THG1L: variants seen among roughly 807,000 people sequenced by gnomAD.
THG1L encodes tRNA-histidine guanylyltransferase 1 like.
A neutral mutation model predicts 35.2 loss-of-function variants in THG1L; 27 were observed. The ratio of observed to expected loss-of-function variants is 0.77; its 90% CI spans 0.57 to 1.06. The LOEUF is 1.06. Ranked by LOEUF, THG1L falls within the 50% of genes least tolerant of loss-of-function variation. The pLI is 0.00. For missense variants in THG1L, 377 were observed against 371.8 expected, an observed-to-expected ratio of 1.01 and a Z score of -0.12; for synonymous variants, 135 against 132.4, an observed-to-expected ratio of 1.02 and a Z score of -0.14.
rs770111751 is a variant in THG1L, at chr5:157,731,477, T to C, written c.37T>C (p.Leu13=). 5 of 1,610,226 alleles carry C rather than the reference T, an allele frequency of 3.1e-6. No individual in the cohort carries two copies. Among genetic ancestry groups the C allele is most frequent in the Non-Finnish European group, 1.7e-6 (2 of 1,178,124 alleles). Residue 13 remains leucine (L), a synonymous_variant, in exon 1 of 6, where the codon TTG becomes CTG. Coordinates refer to ENST00000231198, the MANE Select transcript of THG1L (RefSeq NM_017872.5). ...GACKVKVHDS[L]ATISITLRRY... is the part of the protein sequence containing the mutation. ...CTGTAAAGTTAAGGTTCACGATTCC[T>C]TGGCCACCATTTCCATCACTCTGAG...
rs1369018801 is a variant in THG1L, at chr5:157,741,396, T to C, written c.*1914T>C. ...CAGAAAGAGGAGATACGGTTCTTGTTTGGTAATTGCTAAAATCTCTTTGAG... is the reference window on the plus strand; with the variant it reads ...CAGAAAGAGGAGATACGGTTCTTGTCTGGTAATTGCTAAAATCTCTTTGAG... On this transcript the variant is annotated 3_prime_UTR_variant, in exon 6 of 6. Coordinates refer to ENST00000231198, the MANE Select transcript of THG1L (RefSeq NM_017872.5). 1 of 152,206 alleles carries C rather than the reference T, an allele frequency of 6.6e-6. No homozygotes were observed. The highest frequency in any genetic ancestry group is 6.5e-5 in the Admixed American group (1 of 15,278). The allele number at this position is 152,206 out of a possible 1,614,324, so 9.4% of individuals were successfully genotyped here.
chr5:157,732,995 T>G lies in THG1L; in HGVS notation c.319T>G (p.Tyr107Asp), dbSNP rs1205538947. The change falls in exon 2 of 6, where the codon TAC (tyrosine) becomes GAC (aspartate). Residue 107 changes from tyrosine to aspartate, a missense_variant. Tyr to Asp is a radical substitution (Grantham distance 160). Coordinates refer to ENST00000231198, the MANE Select transcript of THG1L (RefSeq NM_017872.5). Reference sequence around the variant, plus strand: ...GATCGCGTATGGACAGAGTGATGAGTACAGCTTTGTGTTCAAGCGGAAAAC... The same window carrying G: ...GATCGCGTATGGACAGAGTGATGAGGACAGCTTTGTGTTCAAGCGGAAAAC... ...IVIAYGQSDE[Y>D]SFVFKRKTNW... 1 of 1,614,084 alleles carries G rather than the reference T, an allele frequency of 6.2e-7. No homozygotes were observed. Among genetic ancestry groups the G allele is most frequent in the Non-Finnish European group, 8.5e-7 (1 of 1,180,030 alleles).
In THG1L at chr5:157,739,298, C is replaced by T. The variant is rs561697959; in HGVS notation, c.736-23C>T. The T allele has an allele frequency of 6.8e-6, 11 of 1,608,102 alleles. No homozygotes were observed. In the Admixed American group the frequency reaches 1.5e-4, roughly 22 times the overall value. On this transcript the variant is annotated intron_variant, in intron 5 of 5. Transcript: ENST00000231198. ...AAACCCACTCCTGACTTAACAATGT[C>T]ACTACTTTATTTTTACCTGTAGGTG... is the stretch of plus-strand genomic sequence containing the variant.
Position 157,734,668 on chromosome 5 carries a change from CAGG to C in THG1L, c.462_464del (p.Gly155del), listed in dbSNP as rs1191917646. The C allele has an allele frequency of 6.2e-7, 1 of 1,614,154 alleles. No homozygotes were observed. The highest frequency in any genetic ancestry group is 8.5e-7 in the Non-Finnish European group (1 of 1,180,034). On this transcript the variant is annotated inframe_deletion, in exon 3 of 6. Transcript: ENST00000231198. ...GAGGACCAGCCCCTTCTGTATCCCC[CAGG>C]CTTTGACGGAAGAGTCGTGGTGTAT...
intron 5 of THG1L, chr5:157,738,624 C>T (rs1465350503): frequency 4.7e-6 from 2 of 429,010 alleles, no homozygotes; most frequent in Non-Finnish European, 4.6e-6. Flanking sequence ...TTTTCAAGTA[C>T]CAAGGAGTAC....
rs2113031583 is a variant in THG1L at position 157,733,025 on chromosome 5, T to C, written c.349T>C (p.Trp117Arg). Residue 117 changes from tryptophan to arginine, a missense_variant, in exon 2 of 6, where the codon TGG becomes CGG. Transcript: ENST00000231198. ...CTTTGTGTTCAAGCGGAAAACCAAT[T>C]GGTTTAAAAGAAGAGCCAGGTAATT... ...YSFVFKRKTN[W>R]FKRRASKFMT... 6.2e-7 allele frequency: 1 copy of C among 1,614,076 alleles called. No individual in the cohort carries two copies. Among genetic ancestry groups the C allele is most frequent in the East Asian group, 2.2e-5 (1 of 44,886 alleles).
In THG1L at chr5:157,740,712, A is replaced by AC. The variant is rs1242415076; in HGVS notation, c.*1232dup. 6.6e-6 allele frequency: 1 copy of AC among 151,986 alleles called. No homozygotes were observed. The highest frequency in any genetic ancestry group is 1.5e-5 in the Non-Finnish European group (1 of 68,044). The allele number at this position is 151,986 out of a possible 1,614,324, so 9.4% of individuals were successfully genotyped here. On this transcript the variant is annotated 3_prime_UTR_variant, in exon 6 of 6. Coordinates refer to ENST00000231198, the MANE Select transcript of THG1L (RefSeq NM_017872.5). The stretch of plus-strand genomic sequence containing the variant: ...AGGTCGGGAGTTCGAGACCAGCGTG[A>AC]CCAACGTGGAGAAACCCCCGTCTCT...
intron 2 of THG1L, among the ~76,000 whole-genome samples, chr5:157,734,223 A>G (rs535586639): frequency 3.9e-4 from 59 of 152,044 alleles, no homozygotes; most frequent in African/African-American, 1.3e-3. Context: ...CCCCATCTCT[A>G]CTGAAAATAC....
chr5:157,738,030 G>A, intron 5 of THG1L, 36 bp downstream of exon 5: 1 of 1,545,420 alleles, frequency 6.5e-7, no homozygotes, highest in Non-Finnish European at 8.9e-7. Flanking sequence ...ATGGAAGTCA[G>A]GAAAAAAGAT....
chr5:157,739,312 T>C lies in THG1L; in HGVS notation c.736-9T>C, dbSNP rs758817953. ...CTTAACAATGTCACTACTTTATTTT[T>C]ACCTGTAGGTGGATGAAGTGATGAC... On this transcript the variant is annotated splice_polypyrimidine_tract_variant and intron_variant, in intron 5 of 5. Transcript: ENST00000231198. The C allele has an allele frequency of 1.2e-6, 2 of 1,611,848 alleles. No individual in the cohort carries two copies. The highest frequency in any genetic ancestry group is 1.3e-5 in the African/African-American group (1 of 74,880).
chr5:157,734,701 G>A lies in THG1L; in HGVS notation c.494G>A (p.Ser165Asn), dbSNP rs769089152. 1.1e-5 allele frequency: 17 copies of A among 1,614,058 alleles called. No individual in the cohort carries two copies. The East Asian group carries it at 3.6e-4, about 34-fold the overall frequency. ...GFDGRVVVYP[S>N]NQTLKDYLSW... ...GACGGAAGAGTCGTGGTGTATCCCA[G>A]CAACCAGACTTTAAAGGACTACCTC... The change falls in exon 3 of 6, where the codon AGC becomes AAC. Residue 165 changes from serine to asparagine, a missense_variant. By Grantham distance (46) the Ser-to-Asn change is conservative (BLOSUM62 1). Transcript: ENST00000231198.
Position 157,739,798 on chromosome 5 carries a change from C to A in THG1L, c.*316C>A, listed in dbSNP as rs758767950. ...AGAATGAATCATTTTTAGATTGTGA[C>A]ATAAATCTTGTAAAAACCTGTCAGT... On this transcript the variant is annotated 3_prime_UTR_variant, in exon 6 of 6. Transcript: ENST00000231198. The A allele has an allele frequency of 3.9e-5, 8 of 203,256 alleles. No homozygotes were observed. Among genetic ancestry groups the A allele is most frequent in the East Asian group, 1.1e-4 (1 of 9,008 alleles). The allele number at this position is 203,256 out of a possible 1,614,324, so 12.6% of individuals were successfully genotyped here.
chr5:157,737,942 A>G lies in THG1L; in HGVS notation c.683A>G (p.Tyr228Cys), dbSNP rs561165900. 2.5e-5 allele frequency: 40 copies of G among 1,613,622 alleles called. No individual in the cohort carries two copies. The highest frequency in any genetic ancestry group is 3.2e-5 in the Non-Finnish European group (38 of 1,179,826). Residue 228 changes from tyrosine (Y) to cysteine (C), a missense_variant, in exon 5 of 6, where the codon TAT becomes TGT. Coordinates refer to ENST00000231198, the MANE Select transcript of THG1L (RefSeq NM_017872.5). ...TTGTTTTCTGAATTCAACATCAACT[A>G]TAATAATGAGCTGCCGATGTATAGG... Reference protein sequence around the residue: ...EILFSEFNINYNNELPMYRKG... With the variant: ...EILFSEFNINCNNELPMYRKG...
intron 2 of THG1L, among the ~76,000 whole-genome samples, chr5:157,734,126 G>A (rs975174372): frequency 1.3e-5 from 2 of 152,112 alleles, no homozygotes; most frequent in African/African-American, 4.8e-5. Flanking sequence ...GATGACTCAC[G>A]CCTGTAATCC....
Position 157,731,588 on chromosome 5 carries a change from C to T in THG1L, c.148C>T (p.His50Tyr), listed in dbSNP as rs746504857. The T allele has an allele frequency of 6.2e-7, 1 of 1,610,888 alleles. No homozygotes were observed. Among genetic ancestry groups the T allele is most frequent in the Middle Eastern group, 1.7e-4 (1 of 6,052 alleles). The change falls in exon 1 of 6, where the codon CAC becomes TAC. Residue 50 changes from histidine (H) to tyrosine (Y), a missense_variant. Physicochemically the swap from His to Tyr is moderately conservative, Grantham distance 83. Coordinates refer to ENST00000231198, the MANE Select transcript of THG1L (RefSeq NM_017872.5). ...DFEADDTCLA[H>Y]CWVVVRLDGR... ...CGAGGCTGACGACACCTGCCTGGCA[C>T]ACTGCTGGGTGGTAGTGCGGCTGGA...
At chr5:157,733,909 C>T (rs898352435) in intron 2 of THG1L, among the ~76,000 whole-genome samples, 3 of 152,158 alleles carry the variant, frequency 2.0e-5, no homozygotes, top group Admixed American at 6.6e-5. Context: ...GAATTTGAGG[C>T]AGCAGTGAGC....
At chr5:157,735,997 CT>C (rs1018867963) in intron 4 of THG1L, 63 bp downstream of exon 4, 343 of 1,117,424 alleles carry the variant, frequency 3.1e-4, no homozygotes, top group Admixed American at 4.1e-4. Context: ...TCTCCCATAA[CT>C]TTTTTTTTGT....
intron 2 of THG1L, among the ~76,000 whole-genome samples, chr5:157,734,016 C>T (rs942605404): frequency 2.6e-5 from 4 of 152,062 alleles, no homozygotes; most frequent in Non-Finnish European, 5.9e-5. Context: ...ATCATAAATT[C>T]GTATCACATC....
chr5:157,735,264 C>T (rs1185649486), intron 3 of THG1L, among the ~76,000 whole-genome samples: 1 of 152,176 alleles, frequency 6.6e-6, no homozygotes, highest in African/African-American at 2.4e-5. Context: ...TTAAAAAAAT[C>T]AGATGTGGCA....
Sources: allele counts gnomAD v4.1 joint callset (sites outside exome capture counted in the v4.1 genomes callset), GRCh38; gene constraint gnomAD v4.1.1; transcripts MANE v1.5; gene names NCBI Gene and HGNC (gene_info 2026-07-23, HGNC 2026-07-21).